Variants in EXOC6 observed in about 807,000 individuals in gnomAD.
EXOC6 encodes the protein SEC15-like 1.
EXOC6 carries 60 observed loss-of-function variants against 112.5 expected under a neutral mutation model. That is an observed-to-expected ratio of 0.53 (90% CI 0.43 to 0.66). EXOC6 has a LOEUF of 0.66. Ranked by LOEUF, EXOC6 falls within the 30% of genes least tolerant of loss-of-function variation. The pLI is 0.00. For synonymous variants in EXOC6, 295 were observed against 308.0 expected (o/e 0.96, Z 0.44); for missense variants, 855 against 957.1 (o/e 0.89, Z 1.41).
intron 18 of EXOC6, among the ~76,000 whole-genome samples, chr10:92,989,993 G>C (rs1416250244): frequency 6.6e-6 from 1 of 151,654 alleles, no homozygotes; most frequent in Non-Finnish European, 1.5e-5. Context: ...TTAATTCCAG[G>C]TATACAAAAA....
chr10:92,973,267 A>T (rs1207493303), intron 17 of EXOC6, among the ~76,000 whole-genome samples: 1 of 152,228 alleles, frequency 6.6e-6, no homozygotes, highest in Non-Finnish European at 1.5e-5. Flanking sequence ...GGCAAGCTAT[A>T]GGTTTCCACC....
At chr10:92,893,754 A>C (rs1289939236) in intron 2 of EXOC6, among the ~76,000 whole-genome samples, 1 of 152,172 alleles carries the variant, frequency 6.6e-6, no homozygotes, top group Non-Finnish European at 1.5e-5. Flanking sequence ...CTTTCCATGC[A>C]GGGAAGTGAA....
intron 17 of EXOC6, among the ~76,000 whole-genome samples, chr10:92,961,556 A>G (rs1170647268): frequency 6.6e-6 from 1 of 152,186 alleles, no homozygotes; most frequent in Non-Finnish European, 1.5e-5. Context: ...TAGAACAGAA[A>G]AGTAAATAAG....
At chr10:92,845,014 A>G (rs1846996797), upstream of EXOC6, among the ~76,000 whole-genome samples, 1 of 152,208 alleles carries the variant, frequency 6.6e-6, no homozygotes, top group South Asian at 2.1e-4. Context: ...GTTCCTAATG[A>G]CTAAGAGTTT....
intron 1 of EXOC6, among the ~76,000 whole-genome samples, chr10:92,862,988 C>T (rs1024763450): frequency 2.0e-5 from 3 of 152,194 alleles, no homozygotes; most frequent in Non-Finnish European, 4.4e-5. Context: ...TGAAACTGCC[C>T]TTCATTGTTG....
chr10:93,029,907 T>G (rs2134286856), intron 20 of EXOC6, among the ~76,000 whole-genome samples: 1 of 151,862 alleles, frequency 6.6e-6, no homozygotes, highest in South Asian at 2.1e-4. Context: ...TGTTTTTCTT[T>G]TTTCTTTTTT....
At chr10:92,952,791 A>G (rs1284327703) in intron 15 of EXOC6, among the ~76,000 whole-genome samples, 1 of 152,112 alleles carries the variant, frequency 6.6e-6, no homozygotes, top group Non-Finnish European at 1.5e-5. Context: ...GTTCTTTTTT[A>G]TGGCTGTGTA....
At chr10:92,898,349 G>C in intron 4 of EXOC6, among the ~76,000 whole-genome samples, 1 of 150,992 alleles carries the variant, frequency 6.6e-6, no homozygotes, top group East Asian at 2.0e-4. Flanking sequence ...AGAATTACTT[G>C]AGCCCAAGAG....
At chr10:92,948,620 C>CTAG (rs1853203693) in intron 14 of EXOC6, among the ~76,000 whole-genome samples, 1 of 150,472 alleles carries the variant, frequency 6.6e-6, no homozygotes, top group Non-Finnish European at 1.5e-5. Flanking sequence ...ACTACTACTA[C>CTAG]TGAGATTTCG....
At chr10:92,864,494 C>T (rs1369829428) in intron 1 of EXOC6, among the ~76,000 whole-genome samples, 17 of 152,090 alleles carry the variant, frequency 1.1e-4, no homozygotes, top group Admixed American at 9.8e-4. Context: ...TTTTATGTGT[C>T]GACTTAACTA....
At chr10:93,039,587 A>G (rs549788298) in intron 20 of EXOC6, among the ~76,000 whole-genome samples, 9 of 152,326 alleles carry the variant, frequency 5.9e-5, no homozygotes, top group African/African-American at 2.2e-4. Flanking sequence ...TTTCTCTCTG[A>G]GACTTGGTCA....
chr10:92,848,958 C>T (rs1416069358), intron 1 of EXOC6, among the ~76,000 whole-genome samples: 1 of 152,138 alleles, frequency 6.6e-6, no homozygotes, highest in Non-Finnish European at 1.5e-5. Flanking sequence ...CCCCCGGGCC[C>T]GAGGACACTT....
intron 1 of EXOC6, among the ~76,000 whole-genome samples, chr10:92,876,064 A>G (rs1184112253): frequency 6.6e-6 from 1 of 152,172 alleles, no homozygotes; most frequent in Non-Finnish European, 1.5e-5. Context: ...AATATTGACA[A>G]TGCCTATTAT....
chr10:92,943,793 A>C (rs1452828986), intron 13 of EXOC6, among the ~76,000 whole-genome samples: 1 of 151,966 alleles, frequency 6.6e-6, no homozygotes, highest in Non-Finnish European at 1.5e-5. Flanking sequence ...AACCGTAGTC[A>C]CCTTGCTGTG....
intron 5 of EXOC6, among the ~76,000 whole-genome samples, chr10:92,906,618 A>G (rs1014432880): frequency 6.6e-6 from 1 of 152,206 alleles, no homozygotes; most frequent in African/African-American, 2.4e-5. Flanking sequence ...TTTAAAAATC[A>G]GAGACTTAAC....
chr10:92,845,131 T>C (rs1307097036), upstream of EXOC6, among the ~76,000 whole-genome samples: 1 of 152,238 alleles, frequency 6.6e-6, no homozygotes, highest in African/African-American at 2.4e-5. Context: ...CCAGGAGTCC[T>C]GAAAAGAGAT....
chr10:92,948,576 T>TACTACTACTACC (rs1853188539), intron 14 of EXOC6, among the ~76,000 whole-genome samples, 197 bp downstream of exon 14: 2 of 137,634 alleles, frequency 1.5e-5, no homozygotes, highest in Non-Finnish European at 3.0e-5. Context: ...CTACTACCAC[T>TACTACTACTACC]ACTACTACTA....
At chr10:93,020,631 T>G (rs372714811) in intron 20 of EXOC6, among the ~76,000 whole-genome samples, 20 of 152,264 alleles carry the variant, frequency 1.3e-4, no homozygotes, top group East Asian at 1.2e-3. Context: ...TTAATTGGAC[T>G]GGCCTATTCC....
At chr10:92,947,919 G>A (rs75402759) in intron 13 of EXOC6, among the ~76,000 whole-genome samples, 1,617 of 152,108 alleles carry the variant, frequency 0.011, 32 homozygotes, top group African/African-American at 0.037. Flanking sequence ...AGAAAAAATA[G>A]AAAGAATTAT....
Sources: gnomAD v4.1 joint callset for allele counts (sites outside exome capture counted in the v4.1 genomes callset) on GRCh38, gnomAD v4.1.1 for gene constraint, MANE v1.5 for transcripts, NCBI Gene and HGNC (gene_info 2026-07-23, HGNC 2026-07-21) for gene names.